Variants in SPTLC1 observed in about 807,000 individuals in gnomAD.
SPTLC1 encodes serine palmitoyltransferase long chain base subunit 1.
SPTLC1 carries 55 observed loss-of-function variants against 68.9 expected under a neutral mutation model. The observed-to-expected ratio is 0.80, with a 90% CI of 0.64 to 1.00. SPTLC1 has a LOEUF of 1.00. Ranked by LOEUF, SPTLC1 falls within the 50% of genes least tolerant of loss-of-function variation. The probability of loss-of-function intolerance (pLI) is 0.00; values close to 1 mark genes in which losing one functional copy is unlikely to be tolerated. For synonymous variants in SPTLC1, 197 were observed against 201.6 expected (o/e 0.98, Z 0.19); for missense variants, 449 against 573.1 (o/e 0.78, Z 2.21).
intron 6 of SPTLC1, among the ~76,000 whole-genome samples, chr9:92,059,800 T>C (rs535500875): frequency 1.1e-4 from 17 of 152,272 alleles, no homozygotes; most frequent in African/African-American, 4.1e-4. Flanking sequence ...GCCCCATCTA[T>C]GTCAGCAAAG....
rs1470609041 is a variant in SPTLC1, at chr9:92,087,004, C to T, written c.261-6041G>A. Among the ~76,000 whole-genome samples, 64 of 152,312 alleles carry T rather than the reference C, an allele frequency of 4.2e-4. 2 individuals are homozygous for T. The East Asian group carries it at 0.011, about 27-fold the overall frequency. The stretch of plus-strand genomic sequence containing the variant: ...TCATTTCATTCATTTCATCTTCCAT[C>T]GCTGATACCCTTTCTTCCAGTTGAT... On this transcript the variant is annotated intron_variant, in intron 3 of 14. Transcript: ENST00000262554.
chr9:92,057,863 A>C (rs903098561), intron 7 of SPTLC1, among the ~76,000 whole-genome samples: 7 of 152,246 alleles, frequency 4.6e-5, no homozygotes, highest in Non-Finnish European at 2.9e-5. Context: ...TAAAGTAGAA[A>C]TAAGTTTCAA....
chr9:92,102,598 T>C lies in SPTLC1; in HGVS notation c.260+6142A>G, dbSNP rs558749600. 2.0e-5 allele frequency among the ~76,000 whole-genome samples: 3 copies of C among 152,306 alleles called. No individual in the cohort carries two copies. In the South Asian group the frequency reaches 6.2e-4, roughly 32 times the overall value. On this transcript the variant is annotated intron_variant, in intron 3 of 14. Transcript: ENST00000262554. Reference sequence around the variant, plus strand: ...GATCAAAATTTTTATCAGCTTTAAATAGTCTATCATAACTATACATTTTTA... The same window carrying C: ...GATCAAAATTTTTATCAGCTTTAAACAGTCTATCATAACTATACATTTTTA...
At chr9:92,097,360 G>A (rs893562131) in intron 3 of SPTLC1, among the ~76,000 whole-genome samples, 6 of 152,064 alleles carry the variant, frequency 3.9e-5, no homozygotes, top group African/African-American at 1.4e-4. Context: ...GCAAAAATGT[G>A]TACACATTAT....
At chr9:92,076,954 T>C (rs1349149345) in intron 5 of SPTLC1, 1 of 152,166 alleles carries the variant, frequency 6.6e-6, no homozygotes, top group East Asian at 1.9e-4. Flanking sequence ...TGGGCTGGTC[T>C]TCATCAGCCA....
intron 7 of SPTLC1, 148 bp from the exon 8 acceptor site, chr9:92,055,642 T>TAATGC: frequency 1.2e-6 from 1 of 819,722 alleles, no homozygotes; most frequent in Non-Finnish European, 2.0e-6. Context: ...TGATGGGTTA[T>TAATGC]TTTGAGATGA....
chr9:92,091,283 T>C (rs1390147152), intron 3 of SPTLC1, among the ~76,000 whole-genome samples: 3 of 152,200 alleles, frequency 2.0e-5, no homozygotes, highest in Non-Finnish European at 4.4e-5. Flanking sequence ...AAAGCAACCC[T>C]GTAAGGGGTC....
At chr9:92,038,613 A>AGCCTCCCACCAGGGAGTCTGT (rs1833233154) in intron 12 of SPTLC1, among the ~76,000 whole-genome samples, 1 of 152,230 alleles carries the variant, frequency 6.6e-6, no homozygotes, top group Non-Finnish European at 1.5e-5. Context: ...TCATGGCCCC[A>AGCCTCCCACCAGGGAGTCTGT]GCCTCCCACC....
chr9:92,038,566 T>C, intron 12 of SPTLC1: 1 of 603,750 alleles, frequency 1.7e-6, no homozygotes. Flanking sequence ...TAAAAAAGTC[T>C]GCCTGCAATG....
intron 13 of SPTLC1, among the ~76,000 whole-genome samples, chr9:92,036,370 G>A (rs956019297): frequency 3.3e-5 from 5 of 152,182 alleles, no homozygotes; most frequent in East Asian, 1.9e-4. Flanking sequence ...TCATTCGCAC[G>A]TCCTCCTCTG....
intron 8 of SPTLC1, among the ~76,000 whole-genome samples, chr9:92,054,937 A>G (rs1833833657): frequency 6.6e-6 from 1 of 151,748 alleles, no homozygotes; most frequent in Non-Finnish European, 1.5e-5. Context: ...GCTAAAGCTA[A>G]GTTTTGGCCA....
chr9:92,080,773 G>A, intron 4 of SPTLC1, 97 bp downstream of exon 4: 1 of 968,972 alleles, frequency 1.0e-6, no homozygotes, highest in South Asian at 1.3e-5. Context: ...CTCCTGACCT[G>A]AAGTGATCCA....
At chr9:92,078,562 G>A (rs1834764280) in intron 5 of SPTLC1, among the ~76,000 whole-genome samples, 1 of 152,180 alleles carries the variant, frequency 6.6e-6, no homozygotes, top group South Asian at 2.1e-4. Context: ...AGGATCAAGG[G>A]ATCCTCCTGC....
intron 3 of SPTLC1, chr9:92,105,007 C>T (rs1587613670): frequency 1.3e-6 from 2 of 1,518,924 alleles, no homozygotes; most frequent in East Asian, 2.4e-5. Context: ...TTCCGGGCTG[C>T]TCCCTGTGGC....
chr9:92,041,133 A>C (rs1225531995), intron 12 of SPTLC1, among the ~76,000 whole-genome samples: 1 of 152,208 alleles, frequency 6.6e-6, no homozygotes, highest in East Asian at 1.9e-4. Flanking sequence ...ACCTGACACC[A>C]ATAACTATCT....
chr9:92,107,152 T>C (rs1324276337), intron 3 of SPTLC1, among the ~76,000 whole-genome samples: 2 of 152,182 alleles, frequency 1.3e-5, no homozygotes, highest in Non-Finnish European at 1.5e-5. Context: ...GTCTAGACAA[T>C]TTTGAAGAAC....
At chr9:92,040,796 C>T (rs959244695) in intron 12 of SPTLC1, among the ~76,000 whole-genome samples, 1 of 151,742 alleles carries the variant, frequency 6.6e-6, no homozygotes, top group African/African-American at 2.4e-5. Context: ...ATACAAGGCA[C>T]CTGAGGTCCA....
chr9:92,080,772 T>C (rs1834853158), intron 4 of SPTLC1, 98 bp downstream of exon 4: 2 of 962,282 alleles, frequency 2.1e-6, no homozygotes, highest in Non-Finnish European at 1.6e-6. Flanking sequence ...ACTCCTGACC[T>C]GAAGTGATCC....
rs553691602 is a variant in SPTLC1, at chr9:92,068,325, T to C, written c.428-227A>G. 5.9e-5 allele frequency among the ~76,000 whole-genome samples: 9 copies of C among 152,368 alleles called. No homozygotes were observed. In the East Asian group the frequency reaches 7.7e-4, roughly 13 times the overall value. On this transcript the variant is annotated intron_variant, in intron 5 of 14. Coordinates refer to ENST00000262554, the MANE Select transcript of SPTLC1 (RefSeq NM_006415.4). The stretch of plus-strand genomic sequence containing the variant: ...ATCAGCTACGCATCTATCTGCAAAA[T>C]GTGTTACTGGGGCAGTTCCAACTTC...
Sources: allele counts gnomAD v4.1 joint callset (sites outside exome capture counted in the v4.1 genomes callset), GRCh38; gene constraint gnomAD v4.1.1; transcripts MANE v1.5; gene names NCBI Gene and HGNC (gene_info 2026-07-23, HGNC 2026-07-21).